Variants in RNF145 observed in about 807,000 individuals in gnomAD.
The protein encoded by RNF145 is ring finger protein 145.
Under a neutral mutation model 57.3 loss-of-function variants are expected in RNF145, and 12 were observed. The observed-to-expected ratio is 0.21, with a 90% CI of 0.13 to 0.34. The LOEUF is 0.34. RNF145 is among the 10% of genes least tolerant of loss of function. RNF145 has a pLI of 1.00. For missense variants in RNF145, 429 were observed against 799.0 expected, an observed-to-expected ratio of 0.54 and a Z score of 5.58; for synonymous variants, 262 against 288.3, an observed-to-expected ratio of 0.91 and a Z score of 0.92.
chr5:159,168,925 T>C lies in RNF145; in HGVS notation c.1069A>G (p.Met357Val), dbSNP rs900589217. ...FIVVASILQS[M>V]LEIADPIVLA... ...ACAATAGGATCTGCAATTTCTAACA[T>C]AGACTGTAGGATAGAAGCTACGACA... Residue 357 changes from methionine (M) to valine (V), a missense_variant, in exon 8 of 11, where the codon ATG (methionine) becomes GTG (valine). By Grantham distance (21) the Met-to-Val change is conservative (BLOSUM62 1). Coordinates refer to ENST00000424310, the MANE Select transcript of RNF145 (RefSeq NM_001199383.2). 11 of 1,596,070 alleles carry C rather than the reference T, an allele frequency of 6.9e-6. No individual in the cohort carries two copies. The highest frequency in any genetic ancestry group is 8.5e-6 in the Non-Finnish European group (10 of 1,174,218).
At chr5:159,205,338 G>A (rs994264672) in intron 1 of RNF145, among the ~76,000 whole-genome samples, 1 of 152,126 alleles carries the variant, frequency 6.6e-6, no homozygotes, top group African/African-American at 2.4e-5. Flanking sequence ...AAGGAAAAAT[G>A]CACTGAAAAA....
intron 3 of RNF145, among the ~76,000 whole-genome samples, chr5:159,183,855 T>A (rs1385200289): frequency 6.6e-6 from 1 of 152,184 alleles, no homozygotes. Context: ...AACGGCTTAA[T>A]GAGTACTGAG....
At chr5:159,171,814 A>G (rs962433264) in intron 6 of RNF145, among the ~76,000 whole-genome samples, 1 of 152,180 alleles carries the variant, frequency 6.6e-6, no homozygotes, top group Non-Finnish European at 1.5e-5. Flanking sequence ...AGAACAGAGA[A>G]TAACTCTTAC....
At chr5:159,164,234 CTAATAA>C (rs553921309) in intron 8 of RNF145, among the ~76,000 whole-genome samples, 9 of 151,368 alleles carry the variant, frequency 5.9e-5, no homozygotes, top group African/African-American at 1.7e-4. Context: ...TTGCCAAAAA[CTAATAA>C]TAATAATAAT....
intron 3 of RNF145, among the ~76,000 whole-genome samples, chr5:159,191,519 A>G (rs1045813623): frequency 6.6e-6 from 1 of 152,212 alleles, no homozygotes; most frequent in Non-Finnish European, 1.5e-5. Context: ...GAGGCTGGAC[A>G]CGATGGTTCG....
At chr5:159,208,571 A>G (rs921791863) in intron 1 of RNF145, among the ~76,000 whole-genome samples, 1 of 152,114 alleles carries the variant, frequency 6.6e-6, no homozygotes, top group African/African-American at 2.4e-5. Context: ...GATGCAGAGC[A>G]ATGGGCCCCC....
chr5:159,160,003 C>T (rs1784161351), intron 10 of RNF145, among the ~76,000 whole-genome samples: 2 of 152,164 alleles, frequency 1.3e-5, no homozygotes, highest in African/African-American at 2.4e-5. Context: ...CTCTCATTTT[C>T]GATGTGATAT....
intron 3 of RNF145, among the ~76,000 whole-genome samples, chr5:159,184,081 GTC>G (rs772573348): frequency 6.6e-6 from 1 of 152,152 alleles, no homozygotes; most frequent in Non-Finnish European, 1.5e-5. Context: ...AGTCCCAAGT[GTC>G]TCTTTGTGAG....
chr5:159,207,486 T>G, intron 1 of RNF145: 1 of 1,525,740 alleles, frequency 6.6e-7, no homozygotes. Context: ...ATTATCTCCT[T>G]TCTTTCTCCC....
At chr5:159,169,584 T>C in intron 7 of RNF145, 95 bp downstream of exon 7, 2 of 1,082,326 alleles carry the variant, frequency 1.8e-6, no homozygotes, top group Non-Finnish European at 2.6e-6. Flanking sequence ...CAATTCCATT[T>C]CTTCTAAAAT....
chr5:159,193,244 T>C (rs576857520), intron 3 of RNF145, among the ~76,000 whole-genome samples: 3 of 152,158 alleles, frequency 2.0e-5, no homozygotes, highest in Non-Finnish European at 4.4e-5. Flanking sequence ...ATTGTGAGGA[T>C]TGCAAGAAAT....
intron 10 of RNF145, 87 bp downstream of exon 10, chr5:159,161,179 A>AT: frequency 1.3e-6 from 1 of 779,844 alleles, no homozygotes; most frequent in Middle Eastern, 4.0e-4. Context: ...TTGCCTAGAA[A>AT]TTTAAGTTGA....
At position 159,164,291 on chromosome 5, in the gene RNF145, G is replaced by A. The variant is rs894835620; in HGVS notation, c.1122-1212C>T. On this transcript the variant is annotated intron_variant, in intron 8 of 10. Coordinates refer to ENST00000424310, the MANE Select transcript of RNF145 (RefSeq NM_001199383.2). ...AGGAACAAATGTAAACTTGTCAGTA[G>A]CTTTGCTTTGAGATTCAGCAATTTT... 1.3e-5 allele frequency among the ~76,000 whole-genome samples: 2 copies of A among 152,140 alleles called. 1 individual carries two copies. The highest frequency in any genetic ancestry group is 4.1e-4 in the South Asian group (2 of 4,834).
chr5:159,167,327 C>CACCA (rs1296766377), intron 8 of RNF145, among the ~76,000 whole-genome samples: 1 of 152,140 alleles, frequency 6.6e-6, no homozygotes, highest in African/African-American at 2.4e-5. Flanking sequence ...ATAACACAGA[C>CACCA]ACCAATTCAA....
At chr5:159,164,601 C>T (rs1562047898) in intron 8 of RNF145, among the ~76,000 whole-genome samples, 1 of 151,848 alleles carries the variant, frequency 6.6e-6, no homozygotes, top group East Asian at 1.9e-4. Context: ...ATGTCCTTAT[C>T]TAAATAGTTA....
rs1331552222 is a variant in RNF145, at chr5:159,158,263, G to C, written c.*407C>G. 6 of 211,316 alleles carry C rather than the reference G, an allele frequency of 2.8e-5. No individual in the cohort carries two copies. Among genetic ancestry groups the C allele is most frequent in the Non-Finnish European group, 4.8e-5 (5 of 103,100 alleles). The allele number at this position is 211,316 out of a possible 1,614,324, so 13.1% of individuals were successfully genotyped here. A position where few individuals can be genotyped will look rare whatever the true frequency, so the allele number is the denominator to read the frequency against. On this transcript the variant is annotated 3_prime_UTR_variant, in exon 11 of 11. Coordinates refer to ENST00000424310, the MANE Select transcript of RNF145 (RefSeq NM_001199383.2). The stretch of plus-strand genomic sequence containing the variant: ...GAGATTGATCTGTCCCATGGAGAGT[G>C]AAAGTTCAGTTCCACTTCTGCCTCC...
chr5:159,177,719 T>A (rs1356436064), intron 4 of RNF145, among the ~76,000 whole-genome samples: 1 of 152,042 alleles, frequency 6.6e-6, no homozygotes, highest in Non-Finnish European at 1.5e-5. Context: ...TTTGACACAC[T>A]GTCAAGACTG....
chr5:159,197,175 T>C (rs1785489182), intron 2 of RNF145, among the ~76,000 whole-genome samples: 1 of 152,208 alleles, frequency 6.6e-6, no homozygotes, highest in Non-Finnish European at 1.5e-5. Context: ...CTTGGATCTC[T>C]AAAGGTGAAT....
intron 2 of RNF145, among the ~76,000 whole-genome samples, chr5:159,202,954 T>A (rs1785723085): frequency 6.6e-6 from 1 of 152,134 alleles, no homozygotes. Context: ...CAGGAGGATT[T>A]TTTTTATGGA....
Sources: allele counts gnomAD v4.1 joint callset (sites outside exome capture counted in the v4.1 genomes callset), GRCh38; gene constraint gnomAD v4.1.1; transcripts MANE v1.5; gene names NCBI Gene and HGNC (gene_info 2026-07-23, HGNC 2026-07-21).